Variants in SULT4A1 observed in about 807,000 individuals in gnomAD.
The protein encoded by SULT4A1 is sulfotransferase 4A1.
Under a neutral mutation model 35.2 loss-of-function variants are expected in SULT4A1, and 11 were observed. That is an observed-to-expected ratio of 0.31 (90% CI 0.20 to 0.52). SULT4A1 has a LOEUF of 0.52. Among genes scored for constraint, SULT4A1 ranks in the 20% least tolerant of loss-of-function variants. The probability of loss-of-function intolerance (pLI) is 0.97; values close to 1 mark genes in which losing one functional copy is unlikely to be tolerated. For synonymous variants in SULT4A1, 152 were observed against 151.8 expected, an observed-to-expected ratio of 1.00 and a Z score of -0.01; for missense variants, 271 against 383.7, an observed-to-expected ratio of 0.71 and a Z score of 2.45.
chr22:43,839,566 C>G (rs570793108), intron 3 of SULT4A1, among the ~76,000 whole-genome samples: 2 of 152,018 alleles, frequency 1.3e-5, no homozygotes, highest in African/African-American at 2.4e-5. Context: ...CCAGCCTGGG[C>G]GACAGACTAA....
At position 43,832,194 on chromosome 22, in the gene SULT4A1, C is replaced by T. The variant is rs959811588; in HGVS notation, c.603+1446G>A. Among the ~76,000 whole-genome samples the T allele has an allele frequency of 1.1e-4, 17 of 152,306 alleles. 1 individual carries two copies. In the South Asian group the frequency reaches 2.1e-3, roughly 19 times the overall value. ...CATCTCTACCACACCGTCCTCTGGG[C>T]GTGAGCAGGGACCCTAAATGTGGCT... On this transcript the variant is annotated intron_variant, in intron 5 of 6. Coordinates refer to ENST00000330884, the MANE Select transcript of SULT4A1 (RefSeq NM_014351.4).
chr22:43,857,257 A>C (rs2049411910), intron 1 of SULT4A1, among the ~76,000 whole-genome samples: 2 of 151,916 alleles, frequency 1.3e-5, no homozygotes. Flanking sequence ...AAAAGAAAGA[A>C]GCCAGGTGCA....
chr22:43,836,049 G>A (rs1407506892), intron 4 of SULT4A1, among the ~76,000 whole-genome samples: 3 of 152,368 alleles, frequency 2.0e-5, no homozygotes, highest in East Asian at 1.9e-4. Context: ...GAATATGAAG[G>A]AAGAATAACA....
At chr22:43,859,753 C>T (rs1184927614) in intron 1 of SULT4A1, among the ~76,000 whole-genome samples, 1 of 152,242 alleles carries the variant, frequency 6.6e-6, no homozygotes, top group African/African-American at 2.4e-5. Flanking sequence ...GTGATGGGAA[C>T]ACTCCATATC....
chr22:43,853,851 G>A (rs991862439), intron 1 of SULT4A1, among the ~76,000 whole-genome samples: 2 of 152,248 alleles, frequency 1.3e-5, no homozygotes, highest in Non-Finnish European at 1.5e-5. Context: ...ACCCCAGGGA[G>A]AAGAGGCTCC....
At chr22:43,837,625 G>A (rs1323141125) in intron 4 of SULT4A1, among the ~76,000 whole-genome samples, 1 of 152,208 alleles carries the variant, frequency 6.6e-6, no homozygotes, top group Non-Finnish European at 1.5e-5. Flanking sequence ...AGCAGGCACA[G>A]TGGAAGCAGA....
intron 4 of SULT4A1, among the ~76,000 whole-genome samples, chr22:43,836,565 C>T (rs1344386404): frequency 6.4e-5 from 8 of 125,444 alleles, no homozygotes; most frequent in Non-Finnish European, 1.4e-4. Flanking sequence ...GTCTACACAG[C>T]GTCCTCCAAC....
At chr22:43,839,126 G>A in intron 3 of SULT4A1, 133 bp from the exon 4 acceptor site, 3 of 1,231,728 alleles carry the variant, frequency 2.4e-6, no homozygotes, top group Admixed American at 2.1e-5. Context: ...TCCAGCTGGG[G>A]CCCATGTGCA....
chr22:43,850,336 G>T (rs894193208), intron 1 of SULT4A1, among the ~76,000 whole-genome samples: 3 of 152,326 alleles, frequency 2.0e-5, no homozygotes, highest in African/African-American at 7.2e-5. Flanking sequence ...CCCTCCTGCC[G>T]ATACAGTCGC....
At chr22:43,837,582 G>A (rs1035541475) in intron 4 of SULT4A1, among the ~76,000 whole-genome samples, 3 of 152,162 alleles carry the variant, frequency 2.0e-5, no homozygotes, top group African/African-American at 7.2e-5. Flanking sequence ...GCGGTCTGGG[G>A]CCTCCTACCC....
At chr22:43,833,612 G>C (rs138069) in intron 5 of SULT4A1, 28 bp downstream of exon 5, 1,347,669 of 1,570,528 alleles carry the variant, frequency 0.86, 580,096 homozygotes, top group East Asian at 0.99. Context: ...CAGGGCACCC[G>C]GAGGACAGCT....
chr22:43,829,032 T>C, intron 6 of SULT4A1, 28 bp downstream of exon 6: 1 of 1,461,090 alleles, frequency 6.8e-7, no homozygotes, highest in Non-Finnish European at 9.2e-7. Flanking sequence ...GGGGAGTGCC[T>C]GGGCGGGAGG....
chr22:43,862,188 G>A, intron 1 of SULT4A1, 26 bp downstream of exon 1: 3 of 1,473,120 alleles, frequency 2.0e-6, no homozygotes, highest in Non-Finnish European at 2.7e-6. Flanking sequence ...GCATGGCGTG[G>A]CGGGCGCGGT....
chr22:43,845,508 C>T (rs868317278), intron 1 of SULT4A1, among the ~76,000 whole-genome samples: 1 of 152,186 alleles, frequency 6.6e-6, no homozygotes, highest in Non-Finnish European at 1.5e-5. Flanking sequence ...CAGTGAGCCC[C>T]GCCGACCCTG....
At chr22:43,836,893 A>C (rs2063381589) in intron 4 of SULT4A1, among the ~76,000 whole-genome samples, 1 of 152,170 alleles carries the variant, frequency 6.6e-6, no homozygotes, top group Admixed American at 6.5e-5. Context: ...CTGTCTACAC[A>C]GCGTCCGCAC....
At chr22:43,830,403 G>A (rs1478202760) in intron 5 of SULT4A1, among the ~76,000 whole-genome samples, 1 of 152,256 alleles carries the variant, frequency 6.6e-6, no homozygotes, top group Admixed American at 6.5e-5. Flanking sequence ...CTCAGAGGAA[G>A]GGGCGTTTCT....
chr22:43,854,555 G>A (rs556880141), intron 1 of SULT4A1, among the ~76,000 whole-genome samples: 41 of 152,242 alleles, frequency 2.7e-4, no homozygotes, highest in Admixed American at 2.3e-3. Flanking sequence ...ACACCCCTCA[G>A]CTGCCCTAGA....
intron 1 of SULT4A1, among the ~76,000 whole-genome samples, chr22:43,844,271 G>A (rs535829163): frequency 6.6e-6 from 1 of 152,342 alleles, no homozygotes; most frequent in East Asian, 1.9e-4. Flanking sequence ...TCCTAAGACT[G>A]TGGGGAGATG....
intron 6 of SULT4A1, chr22:43,827,603 C>T: frequency 7.3e-7 from 1 of 1,366,444 alleles, no homozygotes; most frequent in South Asian, 1.1e-5. Flanking sequence ...TGCATTCTCA[C>T]CAACTCAAGA....
Sources: gnomAD v4.1 joint callset for allele counts (sites outside exome capture counted in the v4.1 genomes callset) on GRCh38, gnomAD v4.1.1 for gene constraint, MANE v1.5 for transcripts, NCBI Gene and HGNC (gene_info 2026-07-23, HGNC 2026-07-21) for gene names.